The following VSTM4 variants were observed in gnomAD, a reference collection of about 807,000 sequenced individuals.
VSTM4 encodes the protein V-set and transmembrane domain-containing protein 4.
A neutral mutation model predicts 36.4 loss-of-function variants in VSTM4; 20 were observed. The observed-to-expected ratio is 0.55, with a 90% CI of 0.39 to 0.80. The LOEUF (loss-of-function observed/expected upper bound fraction) is 0.80, where lower values mean the gene tolerates loss of function less well. VSTM4 is among the 30% of genes least tolerant of loss of function. VSTM4 has a pLI of 0.00. For missense variants in VSTM4, 392 were observed against 404.5 expected (o/e 0.97, Z 0.26); for synonymous variants, 182 against 173.9 (o/e 1.05, Z -0.37).
At chr10:49,041,464 T>C (rs2250257) in intron 7 of VSTM4, among the ~76,000 whole-genome samples, 82,642 of 152,082 alleles carry the variant, frequency 0.54, 23,286 homozygotes, top group East Asian at 0.72. Context: ...TCTGTGAAAA[T>C]TGAGAATTTC....
chr10:49,036,978 C>G (rs1472234488), intron 7 of VSTM4, among the ~76,000 whole-genome samples: 1 of 152,152 alleles, frequency 6.6e-6, no homozygotes, highest in Non-Finnish European at 1.5e-5. Context: ...GAATCACAGG[C>G]AAGTAAGTCT....
intron 7 of VSTM4, among the ~76,000 whole-genome samples, chr10:49,036,086 C>T (rs939129710): frequency 6.6e-6 from 1 of 152,200 alleles, no homozygotes; most frequent in Non-Finnish European, 1.5e-5. Context: ...GATATTCTCA[C>T]TTCCAGTGTG....
intron 7 of VSTM4, 36 bp downstream of exon 7, chr10:49,046,947 T>C (rs377762582): frequency 1.3e-6 from 2 of 1,597,860 alleles, no homozygotes; most frequent in Non-Finnish European, 1.7e-6. Flanking sequence ...GTCTGAGGCT[T>C]AAGGTATGAT....
chr10:49,023,263 T>TCC (rs759358951), intron 7 of VSTM4, among the ~76,000 whole-genome samples: 53 of 152,346 alleles, frequency 3.5e-4, no homozygotes, highest in Non-Finnish European at 6.9e-4. Context: ...TTAAAGAACC[T>TCC]ATTGTTTTTC....
chr10:49,025,521 G>T (rs1381085832), intron 7 of VSTM4, among the ~76,000 whole-genome samples: 1 of 152,158 alleles, frequency 6.6e-6, no homozygotes, highest in African/African-American at 2.4e-5. Context: ...CAGCTGCCTG[G>T]CCCGCCATGG....
At chr10:49,110,375 G>A (rs2132030656) in intron 1 of VSTM4, among the ~76,000 whole-genome samples, 1 of 152,284 alleles carries the variant, frequency 6.6e-6, no homozygotes, top group East Asian at 1.9e-4. Context: ...ACAGGGTCAG[G>A]GGATCCCAGG....
At chr10:49,090,744 C>T (rs1274709959) in intron 2 of VSTM4, among the ~76,000 whole-genome samples, 1 of 152,202 alleles carries the variant, frequency 6.6e-6, no homozygotes, top group Admixed American at 6.5e-5. Flanking sequence ...TCTGTCCTGC[C>T]CTGTGCTCTG....
intron 1 of VSTM4, among the ~76,000 whole-genome samples, chr10:49,108,399 C>A (rs1452648393): frequency 7.2e-5 from 11 of 152,242 alleles, no homozygotes; most frequent in Admixed American, 7.2e-4. Flanking sequence ...CCCTGCCCCT[C>A]CCCAAGGCCT....
At chr10:49,044,955 T>C (rs775213312) in intron 7 of VSTM4, among the ~76,000 whole-genome samples, 32 of 152,286 alleles carry the variant, frequency 2.1e-4, no homozygotes, top group Non-Finnish European at 2.4e-4. Context: ...GAAAAGATAA[T>C]CTCTTTTTCA....
intron 2 of VSTM4, among the ~76,000 whole-genome samples, chr10:49,096,622 CGTGTGTGTGTGTGTGTGTGT>C (rs57143308): frequency 1.2e-4 from 15 of 122,576 alleles, no homozygotes; most frequent in African/African-American, 2.8e-4. Flanking sequence ...CATTGAAGAC[CGTGTGTGTGTGTGTGTGTGT>C]GTGTGTGTGT....
intron 5 of VSTM4, among the ~76,000 whole-genome samples, chr10:49,049,755 CT>C (rs34122268): frequency 0.78 from 116,249 of 148,134 alleles, 47,430 homozygotes; most frequent in Non-Finnish European, 0.92. Flanking sequence ...ATACTGACTT[CT>C]TTTTTTTTTT....
At chr10:49,073,706 T>A (rs919348334) in intron 4 of VSTM4, among the ~76,000 whole-genome samples, 5 of 152,188 alleles carry the variant, frequency 3.3e-5, no homozygotes, top group African/African-American at 1.2e-4. Flanking sequence ...TTGGGGACAA[T>A]CCTTGACCAT....
chr10:49,024,688 G>T (rs914663595), intron 7 of VSTM4, among the ~76,000 whole-genome samples: 1 of 152,196 alleles, frequency 6.6e-6, no homozygotes, highest in Non-Finnish European at 1.5e-5. Flanking sequence ...CTGAACATGT[G>T]TGTGCTGAAC....
At chr10:49,030,036 G>C (rs1843321199) in intron 7 of VSTM4, among the ~76,000 whole-genome samples, 3 of 152,258 alleles carry the variant, frequency 2.0e-5, no homozygotes, top group Admixed American at 1.3e-4. Context: ...GCAGCCACAA[G>C]GCTGCAAGGC....
chr10:49,072,208 T>TG (rs1407736282), intron 4 of VSTM4, among the ~76,000 whole-genome samples: 1 of 152,140 alleles, frequency 6.6e-6, no homozygotes, highest in African/African-American at 2.4e-5. Flanking sequence ...CAGCCTGACA[T>TG]GGGGGGATGT....
intron 3 of VSTM4, among the ~76,000 whole-genome samples, chr10:49,078,405 C>CA (rs1758123893): frequency 6.6e-6 from 1 of 151,882 alleles, no homozygotes; most frequent in Admixed American, 6.6e-5. Flanking sequence ...TATCCTTCAG[C>CA]AAGTGAATAG....
intron 1 of VSTM4, among the ~76,000 whole-genome samples, chr10:49,114,529 T>C (rs1243626927): frequency 1.3e-5 from 2 of 151,872 alleles, no homozygotes; most frequent in Non-Finnish European, 2.9e-5. Context: ...ATCTATAAAA[T>C]AGGGATAATA....
intron 3 of VSTM4, among the ~76,000 whole-genome samples, chr10:49,084,788 T>A (rs2131999767): frequency 6.6e-6 from 1 of 152,358 alleles, no homozygotes; most frequent in Middle Eastern, 3.4e-3. Context: ...TTGCTTATGA[T>A]CATAATCCTC....
chr10:49,020,753 G>GGA (rs1843170943), intron 7 of VSTM4, among the ~76,000 whole-genome samples: 1 of 77,060 alleles, frequency 1.3e-5, no homozygotes, highest in Non-Finnish European at 2.7e-5. Flanking sequence ...GGAAGGAAGG[G>GGA]AGGGAGGGAG....
Sources: allele counts gnomAD v4.1 joint callset (sites outside exome capture counted in the v4.1 genomes callset), GRCh38; gene constraint gnomAD v4.1.1; transcripts MANE v1.5; gene names NCBI Gene and HGNC (gene_info 2026-07-23, HGNC 2026-07-21).